Variants in PBX3 observed in about 807,000 individuals in gnomAD.
PBX3 encodes pre-B-cell leukemia transcription factor 3.
Under a neutral mutation model 48.5 loss-of-function variants are expected in PBX3, and 14 were observed. That is an observed-to-expected ratio of 0.29 (90% confidence interval 0.19 to 0.45). The LOEUF is 0.45. Among genes scored for constraint, PBX3 ranks in the 20% least tolerant of loss-of-function variants. The pLI is 1.00. For missense variants in PBX3, 386 were observed against 546.7 expected (o/e 0.71, Z 2.93); for synonymous variants, 210 against 200.3 (o/e 1.05, Z -0.41).
intron 7 of PBX3, 97 bp downstream of exon 7, chr9:125,962,311 C>A: frequency 1.5e-6 from 1 of 651,500 alleles, no homozygotes; most frequent in Non-Finnish European, 2.7e-6. Context: ...CACATCCATG[C>A]AGAACCTGTG....
chr9:125,760,390 A>G lies in PBX3; in HGVS notation c.274+11767A>G, dbSNP rs943821824. Reference sequence around the variant, plus strand: ...CATTGCAGGAAAATACTGTTTGTGTATTTTAGTCTTAGGTTTTTTTTTTGA... The same window carrying G: ...CATTGCAGGAAAATACTGTTTGTGTGTTTTAGTCTTAGGTTTTTTTTTTGA... On this transcript the variant is annotated intron_variant, in intron 2 of 8. Transcript: ENST00000373489. Among the ~76,000 whole-genome samples, 3 of 151,918 alleles carry G rather than the reference A, an allele frequency of 2.0e-5. No individual in the cohort carries two copies. The East Asian group carries it at 5.8e-4, about 29-fold the overall frequency.
At chr9:125,779,942 C>T (rs1588138055) in intron 2 of PBX3, among the ~76,000 whole-genome samples, 1 of 108,452 alleles carries the variant, frequency 9.2e-6, no homozygotes, top group Admixed American at 8.6e-5. Context: ...GGGGGGCTGA[C>T]CCCCCACCTC....
chr9:125,794,785 A>T (rs1454504586), intron 2 of PBX3, among the ~76,000 whole-genome samples: 3 of 148,902 alleles, frequency 2.0e-5, no homozygotes, highest in Admixed American at 1.3e-4. Context: ...CCTCAATTCC[A>T]AAGATAACAA....
At chr9:125,935,817 C>T (rs1008058091) in intron 5 of PBX3, among the ~76,000 whole-genome samples, 1 of 152,080 alleles carries the variant, frequency 6.6e-6, no homozygotes, top group African/African-American at 2.4e-5. Flanking sequence ...AGACCACCAC[C>T]ACCCCCATTC....
intron 2 of PBX3, among the ~76,000 whole-genome samples, chr9:125,834,659 A>C (rs1839068446): frequency 6.6e-6 from 1 of 151,092 alleles, no homozygotes; most frequent in Admixed American, 6.6e-5. Flanking sequence ...CTGCCTCCCA[A>C]AGTGCTGGGA....
intron 5 of PBX3, among the ~76,000 whole-genome samples, chr9:125,948,256 C>A (rs2118747254): frequency 1.1e-5 from 1 of 87,484 alleles, no homozygotes; most frequent in South Asian, 4.7e-4. Flanking sequence ...AATGGACATA[C>A]ATAGAACACT....
intron 2 of PBX3, among the ~76,000 whole-genome samples, chr9:125,830,626 C>T (rs1014049018): frequency 6.6e-6 from 1 of 152,020 alleles, no homozygotes; most frequent in African/African-American, 2.4e-5. Flanking sequence ...ATAATAATAA[C>T]ATTAATACTA....
chr9:125,950,348 C>G (rs1842167748), intron 5 of PBX3, among the ~76,000 whole-genome samples: 1 of 152,122 alleles, frequency 6.6e-6, no homozygotes, highest in Non-Finnish European at 1.5e-5. Flanking sequence ...AAATACTGTA[C>G]TTGACAAGTG....
Position 125,894,645 on chromosome 9 carries a change from G to A in PBX3, c.275-21041G>A, listed in dbSNP as rs137967024. On this transcript the variant is annotated intron_variant, in intron 2 of 8. Transcript: ENST00000373489. ...ACAGCCATGGCGGACAGCTCATTTT[G>A]TAGATGTGGGTGTTTTGTTTACATT... Among the ~76,000 whole-genome samples, 6 of 152,220 alleles carry A rather than the reference G, an allele frequency of 3.9e-5. No homozygotes were observed. In the East Asian group the frequency reaches 1.2e-3, roughly 29 times the overall value.
intron 2 of PBX3, among the ~76,000 whole-genome samples, chr9:125,774,280 C>T (rs1018721508): frequency 6.6e-6 from 1 of 152,154 alleles, no homozygotes; most frequent in Non-Finnish European, 1.5e-5. Flanking sequence ...CATTAGAAAT[C>T]CCATCCATCA....
At chr9:125,860,029 T>G (rs897038531) in intron 2 of PBX3, among the ~76,000 whole-genome samples, 1 of 152,218 alleles carries the variant, frequency 6.6e-6, no homozygotes, top group African/African-American at 2.4e-5. Flanking sequence ...AAGGCTGAGT[T>G]AGTTTATGCC....
chr9:125,952,376 C>T (rs1006443600), intron 5 of PBX3, among the ~76,000 whole-genome samples: 4 of 152,146 alleles, frequency 2.6e-5, no homozygotes, highest in South Asian at 2.1e-4. Flanking sequence ...CTCTTGGAGG[C>T]GGCCTTTAAG....
At chr9:125,927,862 G>A (rs557090523) in intron 3 of PBX3, among the ~76,000 whole-genome samples, 4 of 152,152 alleles carry the variant, frequency 2.6e-5, no homozygotes, top group Admixed American at 2.0e-4. Flanking sequence ...AACATAGCAA[G>A]ACCCTGACTC....
At chr9:125,858,427 C>T (rs1026962039) in intron 2 of PBX3, among the ~76,000 whole-genome samples, 1 of 152,104 alleles carries the variant, frequency 6.6e-6, no homozygotes, top group Admixed American at 6.6e-5. Context: ...TGCTAAATGG[C>T]AGCCATATGT....
At chr9:125,898,438 C>A (rs767089839) in intron 2 of PBX3, among the ~76,000 whole-genome samples, 15 of 130,556 alleles carry the variant, frequency 1.1e-4, no homozygotes, top group African/African-American at 3.8e-4. Flanking sequence ...TGTAGCAGGA[C>A]CCCATCTTCT....
chr9:125,835,161 C>T (rs570347973), intron 2 of PBX3, among the ~76,000 whole-genome samples: 7 of 150,986 alleles, frequency 4.6e-5, no homozygotes, highest in East Asian at 2.0e-4. Flanking sequence ...ACAATTACTA[C>T]TTATTGAGTG....
chr9:125,832,220 G>A (rs1003927515), intron 2 of PBX3, among the ~76,000 whole-genome samples: 1 of 150,636 alleles, frequency 6.6e-6, no homozygotes, highest in Middle Eastern at 3.2e-3. Flanking sequence ...TTTTGAGACG[G>A]AGTCTCGCTC....
intron 2 of PBX3, among the ~76,000 whole-genome samples, chr9:125,814,216 C>T (rs1331631157): frequency 1.0e-5 from 1 of 96,668 alleles, no homozygotes; most frequent in Non-Finnish European, 2.2e-5. Flanking sequence ...TGCATGTTCC[C>T]TTCAAAGATG....
At chr9:125,865,052 G>C (rs540926975) in intron 2 of PBX3, among the ~76,000 whole-genome samples, 1 of 152,158 alleles carries the variant, frequency 6.6e-6, no homozygotes, top group Non-Finnish European at 1.5e-5. Flanking sequence ...GGCGCTGTTC[G>C]GATTACTTCC....
Sources: allele counts gnomAD v4.1 joint callset (sites outside exome capture counted in the v4.1 genomes callset), GRCh38; gene constraint gnomAD v4.1.1; transcripts MANE v1.5; gene names NCBI Gene and HGNC (gene_info 2026-07-23, HGNC 2026-07-21).